The following MEF2C variants were observed in gnomAD, a reference collection of about 807,000 sequenced individuals.
The protein encoded by MEF2C is myocyte-specific enhancer factor 2C.
Under a neutral mutation model 50.5 loss-of-function variants are expected in MEF2C, and 6 were observed. The ratio of observed to expected loss-of-function variants is 0.12; its 90% CI spans 0.07 to 0.23. The LOEUF (loss-of-function observed/expected upper bound fraction) is 0.23. Among genes scored for constraint, MEF2C ranks in the 10% least tolerant of loss-of-function variants. MEF2C has a pLI of 1.00. For missense variants in MEF2C, 276 were observed against 605.0 expected, an observed-to-expected ratio of 0.46 and a Z score of 5.70; for synonymous variants, 183 against 228.0, an observed-to-expected ratio of 0.80 and a Z score of 1.78.
intron 3 of MEF2C, among the ~76,000 whole-genome samples, chr5:88,796,262 C>A (rs1168329907): frequency 6.6e-6 from 1 of 152,174 alleles, no homozygotes; most frequent in Non-Finnish European, 1.5e-5. Flanking sequence ...ATGAATCCAT[C>A]TGGTCCTGGA....
At chr5:88,843,197 G>A (rs904779689) in intron 1 of MEF2C, 4 of 411,622 alleles carry the variant, frequency 9.7e-6, no homozygotes, top group Non-Finnish European at 1.3e-5. Flanking sequence ...AGTTATATGT[G>A]TATTTTGCTT....
At chr5:88,792,499 A>G (rs545214246) in intron 3 of MEF2C, among the ~76,000 whole-genome samples, 3 of 152,322 alleles carry the variant, frequency 2.0e-5, no homozygotes, top group South Asian at 4.1e-4. Context: ...CAAATTTTAT[A>G]TTGAAGAATT....
chr5:88,843,644 T>G (rs1034265690), intron 1 of MEF2C: 2 of 179,998 alleles, frequency 1.1e-5, no homozygotes, highest in African/African-American at 2.4e-5. Context: ...TTAGCTATGA[T>G]CTATTGAAAC....
intron 1 of MEF2C, among the ~76,000 whole-genome samples, chr5:88,853,678 G>A (rs544411037): frequency 1.2e-4 from 18 of 152,186 alleles, no homozygotes; most frequent in Admixed American, 6.5e-4. Flanking sequence ...AAATATAAAG[G>A]CATGATTTAG....
At chr5:88,751,663 A>G (rs1329602929) in intron 5 of MEF2C, among the ~76,000 whole-genome samples, 194 bp downstream of exon 5, 1 of 152,250 alleles carries the variant, frequency 6.6e-6, no homozygotes, top group African/African-American at 2.4e-5. Flanking sequence ...ACGGCAGATT[A>G]TGAAAGATTT....
chr5:88,754,060 A>G (rs1014880948), intron 4 of MEF2C, among the ~76,000 whole-genome samples: 1 of 152,170 alleles, frequency 6.6e-6, no homozygotes, highest in Non-Finnish European at 1.5e-5. Context: ...TAGCCCCTTC[A>G]CTGTACTGTG....
chr5:88,886,916 C>T (rs1412629491), upstream of MEF2C, among the ~76,000 whole-genome samples: 3 of 152,214 alleles, frequency 2.0e-5, no homozygotes, highest in East Asian at 1.9e-4. Flanking sequence ...TACTTCCCTA[C>T]ATTAAAGCAG....
At chr5:88,729,117 C>G in intron 9 of MEF2C, 101 bp downstream of exon 9, 1 of 1,369,442 alleles carries the variant, frequency 7.3e-7, no homozygotes, top group East Asian at 2.4e-5. Flanking sequence ...ACGGCGCAGG[C>G]CCTAAATAAA....
intron 1 of MEF2C, among the ~76,000 whole-genome samples, chr5:88,868,594 C>A (rs539383764): frequency 1.3e-5 from 2 of 152,278 alleles, no homozygotes; most frequent in African/African-American, 4.8e-5. Context: ...TGTCTACTTT[C>A]TTGTAACACA....
chr5:88,729,823 C>T (rs1416934197), intron 8 of MEF2C, among the ~76,000 whole-genome samples: 1 of 151,990 alleles, frequency 6.6e-6, no homozygotes, highest in East Asian at 1.9e-4. Context: ...TTCTAAACTT[C>T]CCTCAAACTA....
chr5:88,787,621 A>C (rs1791603036), intron 3 of MEF2C, among the ~76,000 whole-genome samples: 2 of 152,236 alleles, frequency 1.3e-5, no homozygotes, highest in African/African-American at 2.4e-5. Flanking sequence ...AACTCTCATA[A>C]CAATGCTTCA....
intron 6 of MEF2C, chr5:88,739,724 G>C (rs1765699007): frequency 3.0e-6 from 3 of 984,882 alleles, no homozygotes; most frequent in Non-Finnish European, 3.6e-6. Context: ...AATCAGTTTT[G>C]TTTTTATTTT....
intron 3 of MEF2C, among the ~76,000 whole-genome samples, chr5:88,803,427 T>A (rs1008222493): frequency 6.6e-6 from 1 of 152,220 alleles, no homozygotes; most frequent in Admixed American, 6.5e-5. Flanking sequence ...GTGGGAGGCA[T>A]ATTCATTTGA....
intron 3 of MEF2C, among the ~76,000 whole-genome samples, chr5:88,799,866 TCTCTCACACA>T (rs959229310): frequency 5.5e-5 from 6 of 108,152 alleles, no homozygotes; most frequent in African/African-American, 2.1e-4. Flanking sequence ...TCTCTCTCTC[TCTCTCACACA>T]CACACACACA....
chr5:88,829,886 CAT>C (rs1812371354), intron 1 of MEF2C, among the ~76,000 whole-genome samples: 1 of 151,968 alleles, frequency 6.6e-6, no homozygotes, highest in South Asian at 2.1e-4. Flanking sequence ...ATGATCATAA[CAT>C]GTGGTACTAT....
chr5:88,793,864 A>C (rs1244193542), intron 3 of MEF2C, among the ~76,000 whole-genome samples: 2 of 151,052 alleles, frequency 1.3e-5, no homozygotes, highest in Non-Finnish European at 2.9e-5. Context: ...CTCATTGTTC[A>C]ACTCCCACTT....
intron 1 of MEF2C, among the ~76,000 whole-genome samples, chr5:88,829,273 C>G (rs917106877): frequency 6.6e-6 from 1 of 151,908 alleles, no homozygotes; most frequent in Non-Finnish European, 1.5e-5. Context: ...ACCTCCTTGA[C>G]TTCTCCTCCC....
At chr5:88,867,625 A>G (rs1827834552) in intron 1 of MEF2C, among the ~76,000 whole-genome samples, 1 of 152,182 alleles carries the variant, frequency 6.6e-6, no homozygotes, top group African/African-American at 2.4e-5. Flanking sequence ...AATTCTTTCA[A>G]ATTAATAATA....
At chr5:88,725,033 GTC>G (rs1211379205) in intron 10 of MEF2C, among the ~76,000 whole-genome samples, 4 of 152,116 alleles carry the variant, frequency 2.6e-5, no homozygotes, top group African/African-American at 9.6e-5. Context: ...GAGTTGGACA[GTC>G]TAAGCAGTTA....
Sources: allele counts gnomAD v4.1 joint callset (sites outside exome capture counted in the v4.1 genomes callset), GRCh38; gene constraint gnomAD v4.1.1; transcripts MANE v1.5; gene names NCBI Gene and HGNC (gene_info 2026-07-23, HGNC 2026-07-21).